The following STK32A variants were observed in gnomAD, a reference collection of about 807,000 sequenced individuals.
STK32A encodes the protein serine/threonine-protein kinase 32A.
In STK32A, 41 loss-of-function variants were observed where a neutral mutation model predicts 53.2. The ratio of observed to expected loss-of-function variants is 0.77; its 90% confidence interval spans 0.60 to 1.00. The LOEUF is 1.00. Ranked by LOEUF, STK32A falls within the 50% of genes least tolerant of loss-of-function variation. The probability of loss-of-function intolerance (pLI) is 0.00; values close to 1 mark genes in which losing one functional copy is unlikely to be tolerated. For missense variants in STK32A, 458 were observed against 485.8 expected (o/e 0.94, Z 0.54); for synonymous variants, 166 against 162.8 (o/e 1.02, Z -0.15).
intron 6 of STK32A, among the ~76,000 whole-genome samples, chr5:147,347,109 AC>A (rs1277913620): frequency 2.6e-5 from 4 of 152,190 alleles, no homozygotes; most frequent in African/African-American, 9.6e-5. Flanking sequence ...CATATTCTAA[AC>A]ACCTGCGAGT....
chr5:147,389,714 C>T (rs1581164710), downstream of STK32A, among the ~76,000 whole-genome samples: 1 of 151,918 alleles, frequency 6.6e-6, no homozygotes, highest in East Asian at 1.9e-4. Context: ...ACTGAAAATA[C>T]AAAAAATTAG....
chr5:147,380,664 G>C (rs887947232), intron 11 of STK32A, among the ~76,000 whole-genome samples: 3 of 152,158 alleles, frequency 2.0e-5, no homozygotes, highest in African/African-American at 7.2e-5. Context: ...GATGTTGAAA[G>C]CTGGACAGTG....
rs1299414942 is a variant in STK32A at position 147,373,275 on chromosome 5, T to C, written c.884T>C (p.Ile295Thr). The change falls in exon 10 of 13, where the codon ATT (isoleucine) becomes ACT (threonine). Residue 295 changes from isoleucine (I) to threonine (T), a missense_variant. Transcript: ENST00000397936. ...NWDAVFQKRL[I>T]PGFIPNKGRL... ...GATGCAGTTTTTCAGAAGAGGCTCATTCCAGGTTTCATTCCTAATGTGAGT... is the reference window on the plus strand; with the variant it reads ...GATGCAGTTTTTCAGAAGAGGCTCACTCCAGGTTTCATTCCTAATGTGAGT... The C allele has an allele frequency of 6.2e-7, 1 of 1,613,318 alleles. No individual in the cohort carries two copies. Among genetic ancestry groups the C allele is most frequent in the South Asian group, 1.1e-5 (1 of 91,070 alleles).
At position 147,324,049 on chromosome 5, in the gene STK32A, C is replaced by A. The variant is rs928871456; in HGVS notation, c.412C>A (p.Gln138Lys). The change falls in exon 5 of 13, where the codon CAG becomes AAG. Residue 138 changes from glutamine (Q) to lysine (K), a missense_variant. By Grantham distance (53) the Gln-to-Lys change is moderately conservative (BLOSUM62 1). Transcript: ENST00000397936. The part of the protein sequence containing the change: ...CELVMALDYL[Q>K]NQRIIHRDMK... The stretch of plus-strand genomic sequence containing the variant: ...GCTGGTCATGGCCCTGGACTACCTG[C>A]AGAACCAGCGCATCATTCACAGGTC... 1 of 1,607,110 alleles carries A rather than the reference C, an allele frequency of 6.2e-7. No individual in the cohort carries two copies. The highest frequency in any genetic ancestry group is 8.5e-7 in the Non-Finnish European group (1 of 1,176,778).
At chr5:147,354,572 A>C (rs543222690) in intron 7 of STK32A, among the ~76,000 whole-genome samples, 4 of 152,204 alleles carry the variant, frequency 2.6e-5, no homozygotes, top group Admixed American at 6.5e-5. Flanking sequence ...ATTTCTTGAA[A>C]TCTTTCCCTG....
chr5:147,275,846 C>G (rs1444340011), intron 2 of STK32A, among the ~76,000 whole-genome samples: 2 of 152,078 alleles, frequency 1.3e-5, no homozygotes, highest in Non-Finnish European at 2.9e-5. Flanking sequence ...TATAAATTTA[C>G]CAGGATCCTG....
At chr5:147,351,569 C>T (rs1236767454) in intron 7 of STK32A, among the ~76,000 whole-genome samples, 4 of 152,078 alleles carry the variant, frequency 2.6e-5, no homozygotes, top group Non-Finnish European at 5.9e-5. Context: ...CCAAACAAGG[C>T]CGGGCATGGT....
intron 9 of STK32A, 127 bp from the exon 10 acceptor site, chr5:147,373,042 T>G (rs1383748004): frequency 9.0e-7 from 1 of 1,117,166 alleles, no homozygotes; most frequent in Non-Finnish European, 1.3e-6. Context: ...TTTATGGGAT[T>G]AGGGATAGGG....
At chr5:147,287,770 T>C (rs961787262) in intron 4 of STK32A, among the ~76,000 whole-genome samples, 8 of 152,112 alleles carry the variant, frequency 5.3e-5, no homozygotes, top group African/African-American at 1.9e-4. Context: ...TCTCTCTGCA[T>C]CCTGAGAATG....
chr5:147,385,867 G>A lies in STK32A; in HGVS notation c.*1884G>A, dbSNP rs868774981. 17 of 152,222 alleles carry A rather than the reference G, an allele frequency of 1.1e-4. No homozygotes were observed. Among genetic ancestry groups the A allele is most frequent in the African/African-American group, 2.2e-4 (9 of 41,434 alleles). 9.4% of individuals were successfully genotyped at this position (152,222 alleles called of 1,614,324 possible). A position where few individuals can be genotyped will look rare whatever the true frequency, so the allele number is the denominator to read the frequency against. Reference sequence around the variant, plus strand: ...AAGATGGCAGTAAGCTGGCAACTGCGAAGACCTGACTGATGCCCATTTGGG... The same window carrying A: ...AAGATGGCAGTAAGCTGGCAACTGCAAAGACCTGACTGATGCCCATTTGGG... On this transcript the variant is annotated 3_prime_UTR_variant, in exon 13 of 13. Transcript: ENST00000397936.
chr5:147,313,408 A>C (rs1043968042), intron 4 of STK32A, among the ~76,000 whole-genome samples: 10 of 152,222 alleles, frequency 6.6e-5, no homozygotes, highest in African/African-American at 2.4e-4. Flanking sequence ...CACTTGAGAA[A>C]AGAAGTGAGA....
chr5:147,309,508 A>G (rs1753584647), intron 4 of STK32A, among the ~76,000 whole-genome samples: 1 of 152,120 alleles, frequency 6.6e-6, no homozygotes. Flanking sequence ...TCACCAGTTC[A>G]TTTTTGTTGC....
chr5:147,313,463 T>C (rs904024598), intron 4 of STK32A, among the ~76,000 whole-genome samples: 1 of 152,206 alleles, frequency 6.6e-6, no homozygotes, highest in African/African-American at 2.4e-5. Flanking sequence ...GAGTATACTG[T>C]TAAGTGAAAA....
the STK32A span, chr5:147,393,972 G>A: frequency 6.6e-7 from 1 of 1,515,892 alleles, no homozygotes; most frequent in Middle Eastern, 1.7e-4. Context: ...AAATATCGGT[G>A]TACCATTTTG....
intron 5 of STK32A, among the ~76,000 whole-genome samples, chr5:147,341,661 T>C (rs1755419065): frequency 6.6e-6 from 1 of 152,066 alleles, no homozygotes. Flanking sequence ...TTTTTTTTTT[T>C]AGGATGTTAT....
At chr5:147,305,104 A>T (rs561683926) in intron 4 of STK32A, among the ~76,000 whole-genome samples, 11 of 152,154 alleles carry the variant, frequency 7.2e-5, no homozygotes, top group African/African-American at 2.4e-4. Context: ...AAAAAAAATT[A>T]AAAAAATATA....
chr5:147,364,636 T>C (rs1756663977), intron 8 of STK32A, among the ~76,000 whole-genome samples: 1 of 152,176 alleles, frequency 6.6e-6, no homozygotes, highest in African/African-American at 2.4e-5. Flanking sequence ...CGTGCCATCA[T>C]GGTTGGGTTC....
At chr5:147,314,786 G>A (rs1753910111) in intron 4 of STK32A, among the ~76,000 whole-genome samples, 1 of 147,160 alleles carries the variant, frequency 6.8e-6, no homozygotes, top group Non-Finnish European at 1.5e-5. Flanking sequence ...CTTCCAGGCT[G>A]GAGTGCAGTG....
At chr5:147,294,063 G>T (rs1752739149) in intron 4 of STK32A, among the ~76,000 whole-genome samples, 1 of 152,128 alleles carries the variant, frequency 6.6e-6, no homozygotes, top group South Asian at 2.1e-4. Flanking sequence ...GAAGATCAAT[G>T]TTTCAAGAAA....
Sources: gnomAD v4.1 joint callset for allele counts (sites outside exome capture counted in the v4.1 genomes callset) on GRCh38, gnomAD v4.1.1 for gene constraint, MANE v1.5 for transcripts, NCBI Gene and HGNC (gene_info 2026-07-23, HGNC 2026-07-21) for gene names.